The following KCNQ1 variants were observed in gnomAD, a reference collection of about 807,000 sequenced individuals.
KCNQ1 encodes the protein potassium voltage-gated channel subfamily Q member 1, also known as potassium voltage-gated channel subfamily KQT member 1.
KCNQ1 carries 49 observed loss-of-function variants against 72.4 expected under a neutral mutation model. The observed-to-expected ratio is 0.68, with a 90% CI of 0.54 to 0.86. KCNQ1 has a LOEUF of 0.86. KCNQ1 is among the 40% of genes least tolerant of loss of function. KCNQ1 has a pLI of 0.00. For missense variants in KCNQ1, 790 were observed against 945.1 expected (o/e 0.84, Z 2.15); for synonymous variants, 450 against 412.6 (o/e 1.09, Z -1.10).
At position 2,486,701 on chromosome 11, in the gene KCNQ1, C is replaced by T. The variant is rs1031181574; in HGVS notation, c.386+41217C>T. On this transcript the variant is annotated intron_variant, in intron 1 of 15. Transcript: ENST00000155840. This position sits in a 1 kb window ranked among gnomAD's most constrained non-coding sequence, Gnocchi z 5.0. ...GAGAGCCTCAGGAAGCTTCCAATCACGGCAGAAGGTGAAGCGGGAGTAGGT... is the reference window on the plus strand; with the variant it reads ...GAGAGCCTCAGGAAGCTTCCAATCATGGCAGAAGGTGAAGCGGGAGTAGGT... Among the ~76,000 whole-genome samples, 9 of 152,302 alleles carry T rather than the reference C, an allele frequency of 5.9e-5. No homozygotes were observed. The highest frequency in any genetic ancestry group is 2.0e-4 in the Admixed American group (3 of 15,292).
At chr11:2,694,359 G>A in intron 11 of KCNQ1, 1 of 398,678 alleles carries the variant, frequency 2.5e-6, no homozygotes, top group East Asian at 3.6e-5. Context: ...GCAATGTCTG[G>A]AGATATTTTT....
chr11:2,445,040 C>T lies in KCNQ1; in HGVS notation c.-59C>T. On this transcript the variant is annotated 5_prime_UTR_variant, in exon 1 of 16. Transcript: ENST00000155840. ...GCCCGCACTGCGCCCGGGCGCTCGC[C>T]TTCGCTGCAGCTCCCGGTGCCGCCG... The T allele has an allele frequency of 9.7e-7, 1 of 1,031,338 alleles. No individual in the cohort carries two copies. Among genetic ancestry groups the T allele is most frequent in the East Asian group, 7.8e-5 (1 of 12,830 alleles). The allele number at this position is 1,031,338 out of a possible 1,614,324, so 63.9% of individuals were successfully genotyped here.
rs2133630213 is a variant in KCNQ1 at position 2,493,262 on chromosome 11, A to G, written c.387-34666A>G. On this transcript the variant is annotated intron_variant, in intron 1 of 15. Coordinates refer to ENST00000155840, the MANE Select transcript of KCNQ1 (RefSeq NM_000218.3). The surrounding 1 kb of genome is among the most constrained non-coding windows in gnomAD (Gnocchi z 5.3). ...GATTTTGGATATTAGACCTTGTCAG[A>G]TGGATAGATTGCAAATATTTTCTCC... Among the ~76,000 whole-genome samples the G allele has an allele frequency of 6.6e-6, 1 of 152,252 alleles. No homozygotes were observed. Among genetic ancestry groups the G allele is most frequent in the African/African-American group, 2.4e-5 (1 of 41,528 alleles).
At chr11:2,591,159 C>T (rs1200365474) in intron 10 of KCNQ1, among the ~76,000 whole-genome samples, 4 of 152,240 alleles carry the variant, frequency 2.6e-5, no homozygotes, top group Admixed American at 6.5e-5. Context: ...CCACAGTGTT[C>T]GCAACCCTTT....
Position 2,603,095 on chromosome 11 carries a change from A to C in KCNQ1, c.1393+14241A>C, listed in dbSNP as rs916133555. ...AGAATATAATTGAATGGTTTTTAGTATAGGCATACCTCAGAGATATTGTGG... is the reference window on the plus strand; with the variant it reads ...AGAATATAATTGAATGGTTTTTAGTCTAGGCATACCTCAGAGATATTGTGG... On this transcript the variant is annotated intron_variant, in intron 10 of 15. Transcript: ENST00000155840. The surrounding 1 kb of genome is among the most constrained non-coding windows in gnomAD (Gnocchi z 4.1). Among the ~76,000 whole-genome samples, 1 of 152,360 alleles carries C rather than the reference A, an allele frequency of 6.6e-6. No homozygotes were observed. The highest frequency in any genetic ancestry group is 2.1e-4 in the South Asian group (1 of 4,830).
chr11:2,622,867 A>G (rs1439787651), intron 10 of KCNQ1: 4 of 398,508 alleles, frequency 1.0e-5, no homozygotes, highest in Middle Eastern at 6.2e-4. Flanking sequence ...CAACTTATGA[A>G]TCTGCATTTA....
intron 15 of KCNQ1, among the ~76,000 whole-genome samples, chr11:2,798,800 T>C (rs1847195848): frequency 6.6e-6 from 1 of 152,198 alleles, no homozygotes; most frequent in Non-Finnish European, 1.5e-5. Context: ...GAAAATTGTT[T>C]ATAAATTGGT....
chr11:2,797,087 G>A (rs944583882), intron 15 of KCNQ1, among the ~76,000 whole-genome samples: 1 of 152,238 alleles, frequency 6.6e-6, no homozygotes, highest in African/African-American at 2.4e-5. Context: ...GGCCTCACCT[G>A]GGCTGTCTCC....
chr11:2,507,546 G>A lies in KCNQ1; in HGVS notation c.387-20382G>A, dbSNP rs1847126112. ...ATGCTGCTGGGACCCCTCGCACCTG[G>A]GAGGATGCACTTTCTGTTTCTGACA... On this transcript the variant is annotated intron_variant, in intron 1 of 15. Coordinates refer to ENST00000155840, the MANE Select transcript of KCNQ1 (RefSeq NM_000218.3). This position sits in a 1 kb window ranked among gnomAD's most constrained non-coding sequence, Gnocchi z 5.4. Among the ~76,000 whole-genome samples, 1 of 152,174 alleles carries A rather than the reference G, an allele frequency of 6.6e-6. No homozygotes were observed. The highest frequency in any genetic ancestry group is 2.4e-5 in the African/African-American group (1 of 41,438).
chr11:2,694,788 C>T (rs1221355035), intron 11 of KCNQ1: 4 of 398,358 alleles, frequency 1.0e-5, no homozygotes, highest in East Asian at 3.6e-5. Flanking sequence ...TGCAGAGACT[C>T]GAAAGGTAGT....
Position 2,652,540 on chromosome 11 carries a change from G to A in KCNQ1, c.1394-9421G>A. On this transcript the variant is annotated intron_variant, in intron 10 of 15. Transcript: ENST00000155840. The surrounding 1 kb of genome is among the most constrained non-coding windows in gnomAD (Gnocchi z 5.9). ...GAGCTCAACTCTTGGAGAAGATAGT[G>A]CTTAACCCAGATTCCATTGTATATT... 1 of 398,590 alleles carries A rather than the reference G, an allele frequency of 2.5e-6. No homozygotes were observed. Among genetic ancestry groups the A allele is most frequent in the Non-Finnish European group, 4.4e-6 (1 of 226,066 alleles). The allele number at this position is 398,590 out of a possible 1,614,324, so 24.7% of individuals were successfully genotyped here.
intron 1 of KCNQ1, among the ~76,000 whole-genome samples, chr11:2,520,134 G>A (rs1171010100): frequency 2.6e-5 from 4 of 152,328 alleles, no homozygotes; most frequent in East Asian, 1.9e-4. Flanking sequence ...CCCTGGAGTC[G>A]GCCAGTCTGG....
At chr11:2,591,075 A>T (rs1258409696) in intron 10 of KCNQ1, among the ~76,000 whole-genome samples, 4 of 152,252 alleles carry the variant, frequency 2.6e-5, no homozygotes. Context: ...GCCTGGGACT[A>T]ACCCGAATGT....
chr11:2,799,423 G>C (rs1158460396), intron 15 of KCNQ1, among the ~76,000 whole-genome samples: 1 of 149,792 alleles, frequency 6.7e-6, no homozygotes, highest in Non-Finnish European at 1.5e-5. Flanking sequence ...TAGCATGCTT[G>C]CATGCCTGGA....
chr11:2,705,864 G>A (rs1485217441), intron 11 of KCNQ1, among the ~76,000 whole-genome samples: 1 of 152,202 alleles, frequency 6.6e-6, no homozygotes, highest in Non-Finnish European at 1.5e-5. Flanking sequence ...TATTTGCAGA[G>A]AGCCTACTCC....
chr11:2,719,119 G>A (rs117128821), intron 11 of KCNQ1, among the ~76,000 whole-genome samples: 7,381 of 152,212 alleles, frequency 0.048, 251 homozygotes, highest in Middle Eastern at 0.071. Context: ...ATCTCCAGCC[G>A]TGTGCTCTCG....
At position 2,492,137 on chromosome 11, in the gene KCNQ1, G is replaced by A. The variant is rs1846845638; in HGVS notation, c.387-35791G>A. On this transcript the variant is annotated intron_variant, in intron 1 of 15. Coordinates refer to ENST00000155840, the MANE Select transcript of KCNQ1 (RefSeq NM_000218.3). The surrounding 1 kb of genome is among the most constrained non-coding windows in gnomAD (Gnocchi z 4.1). The stretch of plus-strand genomic sequence containing the variant: ...ATAAGCAACAAGAAATGATGTGAAG[G>A]TACAAAACTCACTGGTAATACATAC... 6.6e-6 allele frequency among the ~76,000 whole-genome samples: 1 copy of A among 152,070 alleles called. No individual in the cohort carries two copies. The highest frequency in any genetic ancestry group is 2.4e-5 in the African/African-American group (1 of 41,400).
intron 15 of KCNQ1, among the ~76,000 whole-genome samples, chr11:2,836,698 C>A (rs1298748349): frequency 6.6e-6 from 1 of 152,260 alleles, no homozygotes; most frequent in African/African-American, 2.4e-5. Context: ...CGCATGGAAA[C>A]AAGCAGTGGA....
At chr11:2,804,053 G>A (rs1847328258) in intron 15 of KCNQ1, among the ~76,000 whole-genome samples, 1 of 152,194 alleles carries the variant, frequency 6.6e-6, no homozygotes, top group African/African-American at 2.4e-5. Flanking sequence ...ACCACACGGG[G>A]AGGAGCCTGG....
Sources: gnomAD v4.1 joint callset for allele counts (sites outside exome capture counted in the v4.1 genomes callset) on GRCh38, gnomAD v4.1.1 for gene constraint, Gnocchi (gnomAD v3.1) non-coding constraint, MANE v1.5 for transcripts, NCBI Gene and HGNC (gene_info 2026-07-23, HGNC 2026-07-21) for gene names.